The following SOX5 variants were observed in gnomAD, a reference collection of about 807,000 sequenced individuals.
SOX5 encodes SRY-box transcription factor 5.
A neutral mutation model predicts 92.0 loss-of-function variants in SOX5; 9 were observed. The observed-to-expected ratio is 0.10, with a 90% CI of 0.06 to 0.17. The LOEUF is 0.17. Ranked by LOEUF, SOX5 falls within the 10% of genes least tolerant of loss-of-function variation. The pLI, the probability that SOX5 is intolerant of heterozygous loss-of-function variation, is 1.00. For missense variants in SOX5, 642 were observed against 944.5 expected (o/e 0.68, Z 4.20); for synonymous variants, 344 against 336.3 (o/e 1.02, Z -0.25).
intron 11 of SOX5, among the ~76,000 whole-genome samples, chr12:23,551,897 A>G (rs1591990730): frequency 6.6e-6 from 1 of 151,736 alleles, no homozygotes; most frequent in South Asian, 2.1e-4. Context: ...AGTTGCTTGT[A>G]TAATTCTGAC....
chr12:24,390,868 T>C (rs1958924908), intron 1 of SOX5, among the ~76,000 whole-genome samples: 1 of 152,184 alleles, frequency 6.6e-6, no homozygotes, highest in Non-Finnish European at 1.5e-5. Context: ...TTTGCCATTG[T>C]GAATAGTGCT....
At chr12:23,777,696 T>A (rs2095149398) in intron 3 of SOX5, among the ~76,000 whole-genome samples, 2 of 152,030 alleles carry the variant, frequency 1.3e-5, no homozygotes, top group Non-Finnish European at 1.5e-5. Context: ...ATTCCTTTAC[T>A]GCAGAGTCAC....
At chr12:24,422,092 C>T (rs541194077) in intron 1 of SOX5, among the ~76,000 whole-genome samples, 10 of 152,238 alleles carry the variant, frequency 6.6e-5, no homozygotes, top group East Asian at 1.9e-4. Flanking sequence ...TAGCAAGGTG[C>T]GTGGAAGTCT....
intron 1 of SOX5, among the ~76,000 whole-genome samples, chr12:24,435,013 G>T (rs151035399): frequency 1.3e-5 from 2 of 152,102 alleles, no homozygotes; most frequent in Non-Finnish European, 2.9e-5. Flanking sequence ...TTTCCTTTTG[G>T]AGACTACATT....
chr12:23,874,447 G>A (rs1036997952), intron 2 of SOX5, among the ~76,000 whole-genome samples: 28 of 151,944 alleles, frequency 1.8e-4, no homozygotes, highest in Non-Finnish European at 8.8e-5. Context: ...TGACTTTTGA[G>A]GGAAGCCCAA....
At chr12:24,436,611 G>C (rs1472050586) in intron 1 of SOX5, among the ~76,000 whole-genome samples, 1 of 152,196 alleles carries the variant, frequency 6.6e-6, no homozygotes, top group Non-Finnish European at 1.5e-5. Context: ...GGGAAGCAGC[G>C]AGTGCTGATG....
intron 6 of SOX5, among the ~76,000 whole-genome samples, chr12:23,732,681 A>C (rs1345466855): frequency 6.6e-6 from 1 of 152,158 alleles, no homozygotes; most frequent in African/African-American, 2.4e-5. Flanking sequence ...CCCACTCTGA[A>C]ATAGTTAGGC....
chr12:24,137,663 A>T (rs1950229780), intron 4 of SOX5, among the ~76,000 whole-genome samples: 1 of 152,082 alleles, frequency 6.6e-6, no homozygotes, highest in Non-Finnish European at 1.5e-5. Flanking sequence ...AAACAAAACA[A>T]AAAAACTCTG....
At position 23,642,918 on chromosome 12, in the gene SOX5, T is replaced by G. The variant is rs1383164478; in HGVS notation, c.932-2021A>C. ...CCGGCTAAAACGGTGAAACCCCGTC[T>G]CTACTAAAAATACAAAAAATTAGCC... On this transcript the variant is annotated intron_variant, in intron 7 of 14. Transcript: ENST00000451604. Among the ~76,000 whole-genome samples the G allele has an allele frequency of 2.7e-4, 34 of 127,004 alleles. 4 individuals carry two copies. The highest frequency in any genetic ancestry group is 1.8e-5 in the Non-Finnish European group (1 of 54,290). 83.3% of individuals were successfully genotyped at this position (127,004 alleles called of 152,430 possible). A position where few individuals can be genotyped will look rare whatever the true frequency, so the allele number is the denominator to read the frequency against.
At chr12:24,039,359 T>C (rs1956317413) in intron 4 of SOX5, among the ~76,000 whole-genome samples, 1 of 152,162 alleles carries the variant, frequency 6.6e-6, no homozygotes, top group Non-Finnish European at 1.5e-5. Flanking sequence ...AACTTTAAAG[T>C]ATATTGTGTG....
chr12:23,663,883 T>C (rs2083412438), intron 7 of SOX5, among the ~76,000 whole-genome samples: 1 of 152,090 alleles, frequency 6.6e-6, no homozygotes, highest in African/African-American at 2.4e-5. Flanking sequence ...GTTGATAACC[T>C]ACAAAGGTAG....
intron 4 of SOX5, among the ~76,000 whole-genome samples, chr12:23,962,014 A>C (rs1426505119): frequency 6.6e-6 from 1 of 152,218 alleles, no homozygotes; most frequent in Non-Finnish European, 1.5e-5. Flanking sequence ...CTTTTGGTGG[A>C]AAAAGTGATA....
chr12:24,306,417 A>G (rs1565871556), intron 2 of SOX5, among the ~76,000 whole-genome samples: 1 of 152,216 alleles, frequency 6.6e-6, no homozygotes, highest in Non-Finnish European at 1.5e-5. Context: ...GGGTCATGCA[A>G]AGATTGTTAT....
chr12:23,680,832 G>A lies in SOX5; in HGVS notation c.811-15268C>T, dbSNP rs542707193. On this transcript the variant is annotated intron_variant, in intron 6 of 14. Transcript: ENST00000451604. ...ACAACAGTAGTATTAGACGTCAATG[G>A]AAAAAAATAAACTGACAAAAATATG... 1.4e-3 allele frequency among the ~76,000 whole-genome samples: 213 copies of A among 151,874 alleles called. 1 individual carries two copies. The highest frequency in any genetic ancestry group is 0.01 in the Middle Eastern group (3 of 294).
intron 7 of SOX5, among the ~76,000 whole-genome samples, chr12:23,652,354 C>T (rs2081687768): frequency 6.6e-6 from 1 of 152,002 alleles, no homozygotes; most frequent in African/African-American, 2.4e-5. Flanking sequence ...CTTCATCCAT[C>T]CCTTCCTTAA....
intron 1 of SOX5, among the ~76,000 whole-genome samples, chr12:24,379,066 TC>T (rs1957563487): frequency 6.6e-6 from 1 of 152,188 alleles, no homozygotes; most frequent in South Asian, 2.1e-4. Context: ...GGCTCCACAA[TC>T]AAAAGTTTAA....
intron 11 of SOX5, among the ~76,000 whole-genome samples, chr12:23,562,127 A>G (rs963869739): frequency 1.3e-5 from 2 of 152,180 alleles, no homozygotes; most frequent in African/African-American, 4.8e-5. Context: ...TAGCTATAAA[A>G]ATGTGCCCTT....
chr12:23,976,220 A>C (rs1464302797), intron 4 of SOX5, among the ~76,000 whole-genome samples: 1 of 151,996 alleles, frequency 6.6e-6, no homozygotes, highest in Non-Finnish European at 1.5e-5. Flanking sequence ...GAATTAAATA[A>C]ACCTAAAACT....
intron 6 of SOX5, among the ~76,000 whole-genome samples, chr12:23,683,714 T>A (rs2087027723): frequency 6.6e-6 from 1 of 152,008 alleles, no homozygotes; most frequent in African/African-American, 2.4e-5. Flanking sequence ...TGTGAGGAAA[T>A]AATAGTATTT....
Sources: allele counts gnomAD v4.1 joint callset (sites outside exome capture counted in the v4.1 genomes callset), GRCh38; gene constraint gnomAD v4.1.1; transcripts MANE v1.5; gene names NCBI Gene and HGNC (gene_info 2026-07-23, HGNC 2026-07-21).